CCDC141: variants seen among roughly 807,000 people sequenced by gnomAD.
CCDC141 encodes the protein coiled-coil domain containing 141.
Under a neutral mutation model 181.0 loss-of-function variants are expected in CCDC141, and 168 were observed. That is an observed-to-expected ratio of 0.93 (90% CI 0.82 to 1.05). The LOEUF (loss-of-function observed/expected upper bound fraction) is 1.05. Among genes scored for constraint, CCDC141 ranks in the 50% least tolerant of loss-of-function variants. The pLI is 0.00. For missense variants in CCDC141, 1,902 were observed against 1,788.5 expected (o/e 1.06, Z -1.14); for synonymous variants, 666 against 642.3 (o/e 1.04, Z -0.56).
At chr2:178,844,904 A>C (rs1357333823) in intron 22 of CCDC141, among the ~76,000 whole-genome samples, 1 of 152,222 alleles carries the variant, frequency 6.6e-6, no homozygotes, top group African/African-American at 2.4e-5. Context: ...AAAAGTCAAA[A>C]GCTAATTATA....
chr2:178,824,005 T>C, the CCDC141 span, among the ~76,000 whole-genome samples: 2 of 152,052 alleles, frequency 1.3e-5, no homozygotes, highest in Admixed American at 6.6e-5. Context: ...TCACATCATA[T>C]ATCACCTGGG....
At chr2:178,849,704 G>A (rs564483341) in intron 21 of CCDC141, among the ~76,000 whole-genome samples, 7 of 152,048 alleles carry the variant, frequency 4.6e-5, no homozygotes, top group Non-Finnish European at 1.0e-4. Flanking sequence ...AAAAACCCTG[G>A]CATCTATTAT....
intron 16 of CCDC141, among the ~76,000 whole-genome samples, chr2:178,866,830 AT>A (rs1186692152): frequency 6.6e-6 from 1 of 152,064 alleles, no homozygotes; most frequent in Non-Finnish European, 1.5e-5. Flanking sequence ...GGTTCAAGCG[AT>A]TCTTCTGCCT....
At chr2:178,990,957 G>C (rs1031158754) in intron 2 of CCDC141, among the ~76,000 whole-genome samples, 2 of 152,074 alleles carry the variant, frequency 1.3e-5, no homozygotes, top group African/African-American at 4.8e-5. Context: ...GGATTTCAGA[G>C]GTCAGGGAGG....
intron 6 of CCDC141, among the ~76,000 whole-genome samples, chr2:178,932,110 A>G (rs1016706000): frequency 3.9e-5 from 6 of 152,186 alleles, no homozygotes; most frequent in African/African-American, 1.4e-4. Flanking sequence ...ATAAGCCATG[A>G]TTGTGCCACT....
chr2:178,968,115 T>C (rs1244033423), intron 4 of CCDC141, among the ~76,000 whole-genome samples: 1 of 152,156 alleles, frequency 6.6e-6, no homozygotes, highest in African/African-American at 2.4e-5. Flanking sequence ...CAAAGAGACT[T>C]AGACTCCCAT....
chr2:178,935,408 G>T (rs1041247111), intron 6 of CCDC141, among the ~76,000 whole-genome samples: 3 of 152,110 alleles, frequency 2.0e-5, no homozygotes, highest in Non-Finnish European at 4.4e-5. Context: ...GTTTGCTAAG[G>T]ATAATAGCCT....
intron 20 of CCDC141, among the ~76,000 whole-genome samples, chr2:178,851,031 C>T (rs1208277839): frequency 3.3e-5 from 5 of 151,970 alleles, no homozygotes; most frequent in African/African-American, 7.3e-5. Flanking sequence ...CATAGTGAAA[C>T]CCCATCTCTA....
chr2:179,022,796 A>T (rs1190061643), intron 2 of CCDC141, among the ~76,000 whole-genome samples: 2 of 152,116 alleles, frequency 1.3e-5, no homozygotes, highest in African/African-American at 4.8e-5. Context: ...GTCCCTTCCA[A>T]TGCCAAGGAC....
chr2:178,992,000 A>G (rs1692078154), intron 2 of CCDC141, among the ~76,000 whole-genome samples: 1 of 152,154 alleles, frequency 6.6e-6, no homozygotes, highest in East Asian at 1.9e-4. Flanking sequence ...CATCATCACT[A>G]TTATCACTGC....
intron 2 of CCDC141, among the ~76,000 whole-genome samples, chr2:179,000,035 T>C (rs1023633119): frequency 1.4e-5 from 2 of 147,198 alleles, no homozygotes; most frequent in Admixed American, 1.4e-4. Flanking sequence ...ATGATTCCAC[T>C]GCTCAGAGAT....
chr2:178,985,674 G>C (rs1465974673), intron 2 of CCDC141, among the ~76,000 whole-genome samples: 1 of 152,094 alleles, frequency 6.6e-6, no homozygotes, highest in Non-Finnish European at 1.5e-5. Context: ...TACCATCAGA[G>C]AATACTACAA....
At chr2:179,048,640 G>T (rs750988449) in intron 1 of CCDC141, among the ~76,000 whole-genome samples, 1 of 152,024 alleles carries the variant, frequency 6.6e-6, no homozygotes, top group Non-Finnish European at 1.5e-5. Context: ...CATTAATCCC[G>T]TGCAAATGAT....
intron 2 of CCDC141, among the ~76,000 whole-genome samples, chr2:178,988,212 C>G (rs895516567): frequency 1.3e-5 from 2 of 151,280 alleles, no homozygotes; most frequent in Non-Finnish European, 2.9e-5. Context: ...AGTAAACTAT[C>G]GCAAGAACAA....
chr2:178,910,970 C>A (rs1238364896), intron 7 of CCDC141, among the ~76,000 whole-genome samples: 1 of 152,230 alleles, frequency 6.6e-6, no homozygotes, highest in Non-Finnish European at 1.5e-5. Context: ...TTGACCATCT[C>A]TTGTTCTGAG....
chr2:178,997,214 T>C (rs1043736472), intron 2 of CCDC141, among the ~76,000 whole-genome samples: 2 of 152,160 alleles, frequency 1.3e-5, no homozygotes, highest in African/African-American at 4.8e-5. Context: ...GAAGGCCTTG[T>C]GGTTCTTTTA....
chr2:178,858,131 G>A (rs929802938), intron 17 of CCDC141, among the ~76,000 whole-genome samples: 3 of 152,084 alleles, frequency 2.0e-5, no homozygotes, highest in Non-Finnish European at 4.4e-5. Flanking sequence ...CATAGAGACC[G>A]CATGAACCAC....
chr2:178,906,993 G>A (rs1204593636), intron 7 of CCDC141, among the ~76,000 whole-genome samples: 1 of 152,132 alleles, frequency 6.6e-6, no homozygotes, highest in Non-Finnish European at 1.5e-5. Flanking sequence ...CTTATACACC[G>A]ATATTCTATT....
At chr2:178,845,816 A>G (rs1229813727) in intron 21 of CCDC141, 74 bp from the exon 22 acceptor site, 1 of 852,420 alleles carries the variant, frequency 1.2e-6, no homozygotes, top group African/African-American at 1.7e-5. Flanking sequence ...AACTACTTGG[A>G]AGAAAACATA....
Sources: gnomAD v4.1 joint callset for allele counts (sites outside exome capture counted in the v4.1 genomes callset) on GRCh38, gnomAD v4.1.1 for gene constraint, MANE v1.5 for transcripts, NCBI Gene and HGNC (gene_info 2026-07-23, HGNC 2026-07-21) for gene names.